FAM107B: variants seen among roughly 807,000 people sequenced by gnomAD.
FAM107B encodes protein FAM107B.
Under a neutral mutation model 31.5 loss-of-function variants are expected in FAM107B, and 21 were observed. That is an observed-to-expected ratio of 0.67 (90% CI 0.47 to 0.96). The LOEUF is 0.96. Ranked by LOEUF, FAM107B falls within the 40% of genes least tolerant of loss-of-function variation. The pLI is 0.00. For synonymous variants in FAM107B, 157 were observed against 141.5 expected (o/e 1.11, Z -0.78); for missense variants, 452 against 377.1 (o/e 1.20, Z -1.64).
intron 2 of FAM107B, among the ~76,000 whole-genome samples, chr10:14,588,376 T>G (rs1037811029): frequency 6.6e-6 from 1 of 152,202 alleles, no homozygotes; most frequent in Non-Finnish European, 1.5e-5. Flanking sequence ...CAGGCACAAA[T>G]ACCAGATAGC....
chr10:14,558,224 CAT>C (rs754790186), intron 2 of FAM107B, among the ~76,000 whole-genome samples: 61 of 152,082 alleles, frequency 4.0e-4, no homozygotes, highest in African/African-American at 1.1e-3. Flanking sequence ...CATTCACACA[CAT>C]GTGCATGCGC....
chr10:14,726,868 A>G (rs1422209380), intron 1 of FAM107B, among the ~76,000 whole-genome samples: 1 of 152,130 alleles, frequency 6.6e-6, no homozygotes, highest in Non-Finnish European at 1.5e-5. Flanking sequence ...CATTACATTT[A>G]TTGTGCACTT....
At chr10:14,650,656 T>C (rs2131445906) in intron 2 of FAM107B, among the ~76,000 whole-genome samples, 1 of 152,376 alleles carries the variant, frequency 6.6e-6, no homozygotes, top group South Asian at 2.1e-4. Context: ...GCATTCTGGT[T>C]TAGTTCCTCC....
chr10:14,671,320 G>C (rs1216039250), intron 1 of FAM107B, among the ~76,000 whole-genome samples: 1 of 152,128 alleles, frequency 6.6e-6, no homozygotes, highest in African/African-American at 2.4e-5. Flanking sequence ...GAAAAGGCTC[G>C]CCAACAATTT....
intron 1 of FAM107B, among the ~76,000 whole-genome samples, chr10:14,679,695 T>C (rs1404765967): frequency 6.6e-6 from 1 of 152,148 alleles, no homozygotes; most frequent in Admixed American, 6.5e-5. Flanking sequence ...AATTGAAGGA[T>C]GCAAAGTATT....
chr10:14,719,530 G>C (rs867215381), intron 1 of FAM107B, among the ~76,000 whole-genome samples: 3 of 152,140 alleles, frequency 2.0e-5, no homozygotes, highest in Non-Finnish European at 2.9e-5. Context: ...AACACACGCC[G>C]GTCATTTGCC....
At chr10:14,728,266 C>G (rs1468209995) in intron 1 of FAM107B, among the ~76,000 whole-genome samples, 1 of 151,966 alleles carries the variant, frequency 6.6e-6, no homozygotes, top group African/African-American at 2.4e-5. Context: ...TCCATCAACT[C>G]TCTTGAAAAA....
At chr10:14,535,009 G>C (rs904470442) in intron 2 of FAM107B, 7 of 152,202 alleles carry the variant, frequency 4.6e-5, no homozygotes, top group Non-Finnish European at 8.8e-5. Flanking sequence ...TCCTCTCTGA[G>C]CAACAAGGAA....
intron 2 of FAM107B, among the ~76,000 whole-genome samples, chr10:14,574,755 A>C (rs182119316): frequency 6.6e-6 from 1 of 152,236 alleles, no homozygotes; most frequent in Non-Finnish European, 1.5e-5. Context: ...ATAACATTAC[A>C]TTCACACTTT....
intron 1 of FAM107B, among the ~76,000 whole-genome samples, chr10:14,701,665 G>A (rs1259433243): frequency 6.6e-6 from 1 of 151,584 alleles, no homozygotes; most frequent in Non-Finnish European, 1.5e-5. Flanking sequence ...CTTGTGTTAC[G>A]CATCAGGAAA....
At chr10:14,745,724 T>C (rs553418762) in intron 1 of FAM107B, among the ~76,000 whole-genome samples, 1 of 152,296 alleles carries the variant, frequency 6.6e-6, no homozygotes, top group East Asian at 1.9e-4. Flanking sequence ...CTTCCAATTA[T>C]GTGGTTGATT....
intron 1 of FAM107B, among the ~76,000 whole-genome samples, chr10:14,760,926 C>T (rs1833029637): frequency 6.8e-6 from 1 of 147,040 alleles, no homozygotes; most frequent in Non-Finnish European, 1.5e-5. Flanking sequence ...GCAGGAGAAT[C>T]GCTTGAACCC....
intron 2 of FAM107B, among the ~76,000 whole-genome samples, chr10:14,552,136 T>C (rs751780092): frequency 6.6e-6 from 1 of 152,218 alleles, no homozygotes; most frequent in Non-Finnish European, 1.5e-5. Flanking sequence ...CTCTGTGTAA[T>C]TGCCTGTGAT....
intron 1 of FAM107B, among the ~76,000 whole-genome samples, chr10:14,708,339 T>C (rs948444522): frequency 3.9e-5 from 6 of 152,012 alleles, no homozygotes; most frequent in Non-Finnish European, 8.8e-5. Context: ...CTGGGGCCTC[T>C]CTAAGTGCTG....
At chr10:14,574,105 G>A (rs536005890) in intron 2 of FAM107B, among the ~76,000 whole-genome samples, 36 of 152,300 alleles carry the variant, frequency 2.4e-4, no homozygotes, top group African/African-American at 8.7e-4. Context: ...AGTAAGAACA[G>A]GGTTTAGTAC....
chr10:14,686,698 C>G (rs1386625941), intron 1 of FAM107B, among the ~76,000 whole-genome samples: 3 of 152,186 alleles, frequency 2.0e-5, no homozygotes, highest in Admixed American at 2.0e-4. Context: ...AACCTCTTTT[C>G]CTGAGGCTTG....
intron 1 of FAM107B, among the ~76,000 whole-genome samples, chr10:14,710,563 T>C (rs1417571412): frequency 6.6e-6 from 1 of 151,998 alleles, no homozygotes; most frequent in Non-Finnish European, 1.5e-5. Flanking sequence ...TTTTGGTCAA[T>C]AATGGATGCC....
rs1241907074 is a variant in FAM107B at position 14,769,631 on chromosome 10, C to T, written c.411+4622G>A. 2.6e-5 allele frequency among the ~76,000 whole-genome samples: 4 copies of T among 152,136 alleles called. No individual in the cohort carries two copies. The South Asian group carries it at 8.3e-4, about 32-fold the overall frequency. ...GAACTCCTGACTTCGTGATTCACCC[C>T]TCACTCAGCCTCCCAAAGTGTTTGG... On this transcript the variant is annotated intron_variant, in intron 1 of 4. Coordinates refer to ENST00000181796, the MANE Select transcript of FAM107B (RefSeq NM_031453.4).
chr10:14,751,878 G>T (rs1446780904), intron 1 of FAM107B, among the ~76,000 whole-genome samples: 3 of 151,978 alleles, frequency 2.0e-5, no homozygotes, highest in Admixed American at 1.3e-4. Context: ...CTCCAAAGGA[G>T]GTAAAGGGCT....
Sources: gnomAD v4.1 joint callset for allele counts (sites outside exome capture counted in the v4.1 genomes callset) on GRCh38, gnomAD v4.1.1 for gene constraint, MANE v1.5 for transcripts, NCBI Gene and HGNC (gene_info 2026-07-23, HGNC 2026-07-21) for gene names.